The following ZNF706 variants were observed in gnomAD, a reference collection of about 807,000 sequenced individuals.
ZNF706 encodes the protein transcriptional regulator ZNF706.
ZNF706 carries 4 observed loss-of-function variants against 9.2 expected under a neutral mutation model. The observed-to-expected ratio is 0.43, with a 90% CI of 0.21 to 0.99. The LOEUF (loss-of-function observed/expected upper bound fraction) is 0.99. Ranked by LOEUF, ZNF706 falls within the 50% of genes least tolerant of loss-of-function variation. ZNF706 has a pLI of 0.26. For missense variants in ZNF706, 27 were observed against 87.8 expected (o/e 0.31, Z 2.77); for synonymous variants, 28 against 27.3 (o/e 1.03, Z -0.08).
chr8:101,204,674 A>T (rs1252858889), intron 1 of ZNF706: 1 of 985,340 alleles, frequency 1.0e-6, no homozygotes, highest in East Asian at 1.1e-4. Flanking sequence ...TGCAACTCTC[A>T]GTGTGGTTTT....
chr8:101,202,931 T>C (rs1810615994), intron 1 of ZNF706: 2 of 152,234 alleles, frequency 1.3e-5, no homozygotes, highest in Non-Finnish European at 2.9e-5. Context: ...GAAACTGTTT[T>C]CTTACTTAGT....
chr8:101,199,832 A>G (rs1003442225), intron 3 of ZNF706, among the ~76,000 whole-genome samples, 158 bp downstream of exon 3: 3 of 152,256 alleles, frequency 2.0e-5, no homozygotes, highest in African/African-American at 7.2e-5. Context: ...GAAAGGAAAT[A>G]GTCTGAGAAA....
chr8:101,205,925 C>T (rs1810758252), upstream of ZNF706: 1 of 152,342 alleles, frequency 6.6e-6, no homozygotes, highest in Non-Finnish European at 1.5e-5. This position sits in a 1 kb window ranked among gnomAD's most constrained non-coding sequence, Gnocchi z 6.6. Context: ...GGCTTCTTCA[C>T]CCAGCCCTGG....
Position 101,201,818 on chromosome 8 carries a change from T to C in ZNF706, c.-2-75A>G. ...AGTAATCAAAGCATAAGAACGTTCT[T>C]AGAATTGAAGCCTTAAGTTTTATAG... On this transcript the variant is annotated intron_variant, in intron 1 of 3. Transcript: ENST00000311212. This position sits in a 1 kb window ranked among gnomAD's most constrained non-coding sequence, Gnocchi z 4.5. 6.9e-7 allele frequency: 1 copy of C among 1,446,880 alleles called. No homozygotes were observed. The highest frequency in any genetic ancestry group is 9.4e-7 in the Non-Finnish European group (1 of 1,061,848). The allele number at this position is 1,446,880 out of a possible 1,614,324, so 89.6% of individuals were successfully genotyped here.
At chr8:101,202,656 T>C (rs189493738) in intron 1 of ZNF706, 144 of 152,322 alleles carry the variant, frequency 9.5e-4, no homozygotes, top group African/African-American at 3.2e-3. Flanking sequence ...AGGGGACTTA[T>C]GGGGTCCTGA....
rs1810571236 is a variant in ZNF706 at position 101,201,899 on chromosome 8, C to T, written c.-2-156G>A. Among the ~76,000 whole-genome samples the T allele has an allele frequency of 6.6e-6, 1 of 152,070 alleles. No individual in the cohort carries two copies. Among genetic ancestry groups the T allele is most frequent in the Non-Finnish European group, 1.5e-5 (1 of 67,996 alleles). The stretch of plus-strand genomic sequence containing the variant: ...TTAAAATTCCCACATATAAATGCTA[C>T]AAAAGTATCAATTGACACAACCCTG... On this transcript the variant is annotated intron_variant, in intron 1 of 3. Coordinates refer to ENST00000311212, the MANE Select transcript of ZNF706 (RefSeq NM_016096.5). The surrounding 1 kb of genome is among the most constrained non-coding windows in gnomAD (Gnocchi z 4.5).
intron 1 of ZNF706, chr8:101,202,880 C>T (rs985668044): frequency 6.6e-6 from 1 of 152,170 alleles, no homozygotes; most frequent in East Asian, 1.9e-4. Flanking sequence ...GAAATAAAAG[C>T]TGTCTGTTAC....
rs2129864272 is a variant in ZNF706 at position 101,197,653 on chromosome 8, T to C, written c.*1599A>G. On this transcript the variant is annotated 3_prime_UTR_variant, in exon 4 of 4. Coordinates refer to ENST00000311212, the MANE Select transcript of ZNF706 (RefSeq NM_016096.5). ...TGATTTAACCAGAACTTCTGCAATA[T>C]CCACAAGAAATTAGGTAAAATTCTA... 6.6e-6 allele frequency: 1 copy of C among 152,264 alleles called. No individual in the cohort carries two copies. Among genetic ancestry groups the C allele is most frequent in the South Asian group, 2.1e-4 (1 of 4,824 alleles). The allele number at this position is 152,264 out of a possible 1,614,324, so 9.4% of individuals were successfully genotyped here.
rs1164449579 is a variant in ZNF706, at chr8:101,198,385, AAATT to A, written c.*863_*866del. 1 of 152,188 alleles carries A rather than the reference AAATT, an allele frequency of 6.6e-6. No homozygotes were observed. The highest frequency in any genetic ancestry group is 1.5e-5 in the Non-Finnish European group (1 of 68,016). 9.4% of individuals were successfully genotyped at this position (152,188 alleles called of 1,614,324 possible). ...AAATAGTAACTTCCAAAAACCTCAAAAATTAATGTTTCAATTTCAAATTAAAGAA... is the reference window on the plus strand; with the variant it reads ...AAATAGTAACTTCCAAAAACCTCAAAAATGTTTCAATTTCAAATTAAAGAA... On this transcript the variant is annotated 3_prime_UTR_variant, in exon 4 of 4. Transcript: ENST00000311212.
intron 1 of ZNF706, chr8:101,203,770 GT>G (rs1175781188): frequency 6.6e-6 from 1 of 152,140 alleles, no homozygotes; most frequent in Non-Finnish European, 1.5e-5. Flanking sequence ...ATTACCAGCT[GT>G]TATCAGTCCT....
rs192451508 is a variant in ZNF706 at position 101,201,790 on chromosome 8, C to G, written c.-2-47G>C. ...TTAGAGTGGCTTATTTACTCTAATA[C>G]AGAGTAATCAAAGCATAAGAACGTT... is the stretch of plus-strand genomic sequence containing the variant. On this transcript the variant is annotated intron_variant, in intron 1 of 3. Transcript: ENST00000311212. This position sits in a 1 kb window ranked among gnomAD's most constrained non-coding sequence, Gnocchi z 4.5. 48 of 1,573,116 alleles carry G rather than the reference C, an allele frequency of 3.1e-5. No homozygotes were observed. In the East Asian group the frequency reaches 9.9e-4, roughly 32 times the overall value.
chr8:101,203,395 G>T (rs999998527), intron 1 of ZNF706: 3 of 152,072 alleles, frequency 2.0e-5, no homozygotes, highest in Non-Finnish European at 4.4e-5. Flanking sequence ...ACATACAATG[G>T]ATTTGTATCA....
chr8:101,203,650 T>C (rs958864563), intron 1 of ZNF706: 1 of 152,190 alleles, frequency 6.6e-6, no homozygotes, highest in Non-Finnish European at 1.5e-5. Flanking sequence ...TGAGGAAATA[T>C]GGGGTTTTTA....
intron 1 of ZNF706, chr8:101,203,523 CTA>C (rs1810640100): frequency 6.6e-6 from 1 of 151,796 alleles, no homozygotes; most frequent in Admixed American, 6.6e-5. Context: ...AAAAAGGAAA[CTA>C]AAAAAATACA....
Position 101,199,805 on chromosome 8 carries a change from G to C in ZNF706, c.*12+185C>G, listed in dbSNP as rs188425958. 7.2e-5 allele frequency among the ~76,000 whole-genome samples: 11 copies of C among 152,268 alleles called. No individual in the cohort carries two copies. In the East Asian group the frequency reaches 2.1e-3, roughly 29 times the overall value. ...TTTTGGCTACAGTAGTAAAAATTTG[G>C]ATGTTTCAAAGGCATTGAAAGGAAA... On this transcript the variant is annotated intron_variant, in intron 3 of 3. Coordinates refer to ENST00000311212, the MANE Select transcript of ZNF706 (RefSeq NM_016096.5).
Position 101,201,517 on chromosome 8 carries a change from C to T in ZNF706, c.135+90G>A. 8.9e-7 allele frequency: 1 copy of T among 1,120,830 alleles called. No individual in the cohort carries two copies. Among genetic ancestry groups the T allele is most frequent in the Non-Finnish European group, 1.3e-6 (1 of 783,374 alleles). 69.4% of individuals were successfully genotyped at this position (1,120,830 alleles called of 1,614,324 possible). On this transcript the variant is annotated intron_variant, in intron 2 of 3. Coordinates refer to ENST00000311212, the MANE Select transcript of ZNF706 (RefSeq NM_016096.5). This position sits in a 1 kb window ranked among gnomAD's most constrained non-coding sequence, Gnocchi z 4.5. ...CTCAAACCTACTATTTCATGTAAAGCATCTATTTTGCCATGGTTTCAAAAT... is the reference window on the plus strand; with the variant it reads ...CTCAAACCTACTATTTCATGTAAAGTATCTATTTTGCCATGGTTTCAAAAT...
intron 1 of ZNF706, chr8:101,203,410 C>A (rs1810636321): frequency 6.6e-6 from 1 of 152,106 alleles, no homozygotes; most frequent in Non-Finnish European, 1.5e-5. Context: ...GTATCAACTT[C>A]ACCAGGGAAG....
chr8:101,200,559 T>C (rs796410046), intron 2 of ZNF706, among the ~76,000 whole-genome samples: 1 of 152,168 alleles, frequency 6.6e-6, no homozygotes, highest in Non-Finnish European at 1.5e-5. Context: ...GCAAGAACCT[T>C]CAATTATTTA....
Position 101,201,940 on chromosome 8 carries a change from T to C in ZNF706, c.-2-197A>G, listed in dbSNP as rs1810572877. On this transcript the variant is annotated intron_variant, in intron 1 of 3. Transcript: ENST00000311212. The surrounding 1 kb of genome is among the most constrained non-coding windows in gnomAD (Gnocchi z 4.5). ...CACAACCCTGTGGAAAACTAGTTGG[T>C]AGCTGTTTATTCTATGAGCCAGCAA... 6.6e-6 allele frequency among the ~76,000 whole-genome samples: 1 copy of C among 152,244 alleles called. No homozygotes were observed. Among genetic ancestry groups the C allele is most frequent in the East Asian group, 1.9e-4 (1 of 5,186 alleles).
Sources: gnomAD v4.1 joint callset for allele counts (sites outside exome capture counted in the v4.1 genomes callset) on GRCh38, gnomAD v4.1.1 for gene constraint, Gnocchi (gnomAD v3.1) non-coding constraint, MANE v1.5 for transcripts, NCBI Gene and HGNC (gene_info 2026-07-23, HGNC 2026-07-21) for gene names.